The following ITPR2 variants were observed in gnomAD, a reference collection of about 807,000 sequenced individuals.
ITPR2 encodes inositol 1,4,5-trisphosphate-gated calcium channel ITPR2.
Under a neutral mutation model 317.1 loss-of-function variants are expected in ITPR2, and 207 were observed. The observed-to-expected ratio is 0.65, with a 90% CI of 0.58 to 0.73. The LOEUF (loss-of-function observed/expected upper bound fraction) is 0.73. ITPR2 is among the 30% of genes least tolerant of loss of function. The pLI is 0.00. For synonymous variants in ITPR2, 1,156 were observed against 1,149.1 expected (o/e 1.01, Z -0.12); for missense variants, 2,613 against 3,284.0 (o/e 0.80, Z 4.99).
chr12:26,643,035 G>A (rs919155407), intron 21 of ITPR2, among the ~76,000 whole-genome samples: 1 of 152,180 alleles, frequency 6.6e-6, no homozygotes, highest in East Asian at 1.9e-4. Context: ...GGTCATGGAG[G>A]AGGAGTCCTC....
intron 21 of ITPR2, among the ~76,000 whole-genome samples, chr12:26,645,956 CCTTT>C (rs1229111415): frequency 6.7e-6 from 1 of 149,572 alleles, no homozygotes; most frequent in East Asian, 1.9e-4. Context: ...TATTTTTCTC[CCTTT>C]CTTTCTTTCC....
At chr12:26,477,474 T>C (rs998333437) in intron 43 of ITPR2, among the ~76,000 whole-genome samples, 5 of 152,116 alleles carry the variant, frequency 3.3e-5, no homozygotes, top group Admixed American at 6.5e-5. Flanking sequence ...CTAAAATAAA[T>C]TTAAGCAATA....
intron 1 of ITPR2, among the ~76,000 whole-genome samples, chr12:26,796,357 A>C (rs775129442): frequency 6.6e-5 from 10 of 152,234 alleles, no homozygotes; most frequent in Non-Finnish European, 1.5e-4. Context: ...AGTCCGATAA[A>C]ATGTTCAACT....
chr12:26,602,444 G>A lies in ITPR2; in HGVS notation c.3604C>T (p.Gln1202Ter). 6.2e-7 allele frequency: 1 copy of A among 1,613,690 alleles called. No homozygotes were observed. Among genetic ancestry groups the A allele is most frequent in the Non-Finnish European group, 8.5e-7 (1 of 1,179,748 alleles). Residue 1202 changes from glutamine (Q) to a stop codon, truncating the protein, a stop_gained, in exon 28 of 57, where the codon CAA becomes TAA. Transcript: ENST00000381340. LOFTEE classifies it high-confidence loss of function. ...LCVQNKKCRNQHQRLLKNMGA... is the reference protein window; with the variant it reads ...LCVQNKKCRN ...ATATTTTTCAGTAATCGTTGATGTT[G>A]ATTCCGACACTTTTTATTCTGCACA...
intron 37 of ITPR2, among the ~76,000 whole-genome samples, chr12:26,537,223 T>C (rs1408366763): frequency 1.3e-5 from 2 of 152,144 alleles, no homozygotes; most frequent in Non-Finnish European, 2.9e-5. Flanking sequence ...CCAAGCATGG[T>C]GGAGTTGATA....
intron 21 of ITPR2, among the ~76,000 whole-genome samples, chr12:26,642,434 A>C (rs1342738321): frequency 6.6e-6 from 1 of 152,190 alleles, no homozygotes; most frequent in African/African-American, 2.4e-5. Flanking sequence ...GAATAAGTTT[A>C]GCGCTATCTT....
At chr12:26,570,899 GTACATT>G (rs1945142112) in intron 34 of ITPR2, among the ~76,000 whole-genome samples, 1 of 152,132 alleles carries the variant, frequency 6.6e-6, no homozygotes, top group African/African-American at 2.4e-5. Flanking sequence ...ACACCATGGT[GTACATT>G]TACTGCAGAG....
chr12:26,600,688 A>G (rs892157928), intron 28 of ITPR2, among the ~76,000 whole-genome samples: 1 of 147,842 alleles, frequency 6.8e-6, no homozygotes, highest in African/African-American at 2.5e-5. Context: ...CATCTATTCC[A>G]TCTCCTCTCT....
chr12:26,419,464 C>T (rs1037956393), intron 49 of ITPR2: 47 of 333,488 alleles, frequency 1.4e-4, no homozygotes, highest in South Asian at 1.7e-4. Context: ...AAACTTGCAT[C>T]CTTTGCAGTT....
intron 37 of ITPR2, among the ~76,000 whole-genome samples, chr12:26,510,596 C>T (rs1329533468): frequency 5.3e-5 from 8 of 152,186 alleles, no homozygotes; most frequent in Non-Finnish European, 7.3e-5. Context: ...AATCAGCATG[C>T]ACAGAAATGC....
rs139331132 is a variant in ITPR2 at position 26,700,715 on chromosome 12, T to C, written c.952-5065A>G. Among the ~76,000 whole-genome samples the C allele has an allele frequency of 2.6e-5, 4 of 152,150 alleles. No individual in the cohort carries two copies. In the East Asian group the frequency reaches 7.8e-4, roughly 29 times the overall value. ...TAGAGAGTTTGCATCCATATTCAGATGATGCAAGGGGACAGAGGATGAAAA... is the reference window on the plus strand; with the variant it reads ...TAGAGAGTTTGCATCCATATTCAGACGATGCAAGGGGACAGAGGATGAAAA... On this transcript the variant is annotated intron_variant, in intron 9 of 56. Coordinates refer to ENST00000381340, the MANE Select transcript of ITPR2 (RefSeq NM_002223.4).
chr12:26,616,183 G>C (rs1332554494), intron 26 of ITPR2, among the ~76,000 whole-genome samples: 1 of 151,782 alleles, frequency 6.6e-6, no homozygotes, highest in Non-Finnish European at 1.5e-5. Context: ...TGTTGCCCAA[G>C]CTGGAGTGCA....
At chr12:26,376,480 A>G (rs890387625) in intron 55 of ITPR2, among the ~76,000 whole-genome samples, 7 of 152,144 alleles carry the variant, frequency 4.6e-5, no homozygotes, top group Admixed American at 3.3e-4. Flanking sequence ...TTCAATTTCC[A>G]GTGGCATTTC....
Position 26,481,236 on chromosome 12 carries a change from AC to A in ITPR2, c.6017del (p.Cys2006LeufsTer16). 1.3e-6 allele frequency: 2 copies of A among 1,587,992 alleles called. No individual in the cohort carries two copies. Among genetic ancestry groups the A allele is most frequent in the Non-Finnish European group, 1.7e-6 (2 of 1,156,872 alleles). On this transcript the variant is annotated frameshift_variant, in exon 43 of 57. Transcript: ENST00000381340. LOFTEE classifies it high-confidence loss of function. The stretch of plus-strand genomic sequence containing the variant: ...TCCCATTAGACTCATGTGTAGCGAT[AC>A]AGGTCTAGAAAACAAAATATTTGTA... ...CQGPCHENQT[C>X]IATHESNGID...
chr12:26,498,031 C>T (rs774603699), intron 37 of ITPR2, among the ~76,000 whole-genome samples: 16 of 152,146 alleles, frequency 1.1e-4, no homozygotes, highest in South Asian at 4.1e-4. Flanking sequence ...CCACCGTGCC[C>T]GGTCAGTGCC....
At chr12:26,538,907 C>T (rs776803038) in intron 37 of ITPR2, among the ~76,000 whole-genome samples, 3 of 152,180 alleles carry the variant, frequency 2.0e-5, no homozygotes, top group Non-Finnish European at 4.4e-5. Flanking sequence ...ATTTTACCTA[C>T]TGTGCCTTTC....
At chr12:26,409,831 A>G (rs965056519) in intron 52 of ITPR2, among the ~76,000 whole-genome samples, 1 of 152,224 alleles carries the variant, frequency 6.6e-6, no homozygotes, top group African/African-American at 2.4e-5. Flanking sequence ...TCTTCCGGGC[A>G]AAGACCTCCT....
In ITPR2 at chr12:26,655,867, A is replaced by G; in HGVS notation, c.2445-15T>C. On this transcript the variant is annotated splice_polypyrimidine_tract_variant and intron_variant, in intron 19 of 56. Coordinates refer to ENST00000381340, the MANE Select transcript of ITPR2 (RefSeq NM_002223.4). ...TAGAATCATATCTGGAAATAGAGAAAGAAGATAACGCAAGTTAAACTGATT... is the reference window on the plus strand; with the variant it reads ...TAGAATCATATCTGGAAATAGAGAAGGAAGATAACGCAAGTTAAACTGATT... 1 of 1,601,092 alleles carries G rather than the reference A, an allele frequency of 6.2e-7. No individual in the cohort carries two copies. Among genetic ancestry groups the G allele is most frequent in the Non-Finnish European group, 8.5e-7 (1 of 1,174,288 alleles).
At chr12:26,511,803 A>G (rs1943354492) in intron 37 of ITPR2, among the ~76,000 whole-genome samples, 1 of 152,216 alleles carries the variant, frequency 6.6e-6, no homozygotes, top group Non-Finnish European at 1.5e-5. Flanking sequence ...AGACAGCTGG[A>G]GGCTGGTAGA....
Sources: allele counts gnomAD v4.1 joint callset (sites outside exome capture counted in the v4.1 genomes callset), GRCh38; gene constraint gnomAD v4.1.1; transcripts MANE v1.5; gene names NCBI Gene and HGNC (gene_info 2026-07-23, HGNC 2026-07-21).